The following POLK variants were observed in gnomAD, a reference collection of about 807,000 sequenced individuals.
POLK encodes the protein polymerase (DNA directed) kappa.
POLK carries 76 observed loss-of-function variants against 94.0 expected under a neutral mutation model. That is an observed-to-expected ratio of 0.81 (90% confidence interval 0.67 to 0.98). POLK has a LOEUF of 0.98. POLK is among the 50% of genes least tolerant of loss of function. The pLI is 0.00. For missense variants in POLK, 954 were observed against 1,010.1 expected, an observed-to-expected ratio of 0.94 and a Z score of 0.75; for synonymous variants, 349 against 325.4, an observed-to-expected ratio of 1.07 and a Z score of -0.78.
At chr5:75,528,285 A>G (rs1222455916) in intron 1 of POLK, among the ~76,000 whole-genome samples, 1 of 152,206 alleles carries the variant, frequency 6.6e-6, no homozygotes, top group East Asian at 1.9e-4. Flanking sequence ...AGGGGAAGAA[A>G]AGGTTACAAA....
chr5:75,540,541 C>T (rs1769683363), intron 1 of POLK, among the ~76,000 whole-genome samples: 1 of 152,110 alleles, frequency 6.6e-6, no homozygotes, highest in South Asian at 2.1e-4. Context: ...TGAAATGATC[C>T]TTCCATCTTG....
intron 1 of POLK, among the ~76,000 whole-genome samples, chr5:75,519,869 T>C (rs1462245438): frequency 6.6e-6 from 1 of 152,210 alleles, no homozygotes; most frequent in Non-Finnish European, 1.5e-5. Context: ...TGAGTTCATT[T>C]ACATTCAGTG....
At position 75,600,657 on chromosome 5, in the gene POLK, A is replaced by C. The variant is rs180798032; in HGVS notation, c.*2639A>C. 1.5e-3 allele frequency: 236 copies of C among 152,354 alleles called. 2 individuals are homozygous for C. The highest frequency in any genetic ancestry group is 5.3e-3 in the African/African-American group (219 of 41,584). 9.4% of individuals were successfully genotyped at this position (152,354 alleles called of 1,614,324 possible). On this transcript the variant is annotated 3_prime_UTR_variant, in exon 15 of 15. Coordinates refer to ENST00000241436, the Ensembl canonical transcript of POLK. Reference sequence around the variant, plus strand: ...GTTAGAAATGAACCAAATATTCAGCAATGGTAGAATGGTTAAATTGTACCA... The same window carrying C: ...GTTAGAAATGAACCAAATATTCAGCCATGGTAGAATGGTTAAATTGTACCA...
At chr5:75,561,372 AT>A (rs1770965058) in intron 3 of POLK, among the ~76,000 whole-genome samples, 1 of 151,848 alleles carries the variant, frequency 6.6e-6, no homozygotes, top group South Asian at 2.1e-4. Context: ...TTTCTTGTAG[AT>A]TTGTGTAAGT....
chr5:75,562,675 A>T (rs1010178728), intron 3 of POLK, among the ~76,000 whole-genome samples: 1 of 152,114 alleles, frequency 6.6e-6, no homozygotes, highest in East Asian at 1.9e-4. Context: ...TTATTTTGAG[A>T]TACGTTCCAT....
At chr5:75,608,948 G>C in the POLK span, 1 of 152,148 alleles carries the variant, frequency 6.6e-6, no homozygotes, top group Admixed American at 6.6e-5. Context: ...ATTTGAAACA[G>C]AGTGAAAAAG....
chr5:75,595,743 G>T (rs182089487), intron 12 of POLK, among the ~76,000 whole-genome samples: 1 of 152,266 alleles, frequency 6.6e-6, no homozygotes, highest in East Asian at 1.9e-4. Context: ...TGTTGTGGCA[G>T]TGTAGGTTTA....
exon 7 of POLK, chr5:75,581,246 T>C (rs1269865865): frequency 4.4e-6 from 7 of 1,607,498 alleles, no homozygotes; most frequent in Admixed American, 1.7e-5. Context: ...TGAGTGAGCA[T>C]GAACGATCCA....
At chr5:75,548,772 T>C (rs181117496) in intron 2 of POLK, among the ~76,000 whole-genome samples, 2 of 152,104 alleles carry the variant, frequency 1.3e-5, no homozygotes, top group Admixed American at 1.3e-4. Context: ...CCAACATATA[T>C]ACATAGAAGT....
downstream of POLK, among the ~76,000 whole-genome samples, chr5:75,603,245 C>T (rs1002965734): frequency 2.0e-5 from 3 of 152,156 alleles, no homozygotes; most frequent in Non-Finnish European, 4.4e-5. Context: ...ATTCTGTCTA[C>T]TCTTGTAGGG....
intron 6 of POLK, among the ~76,000 whole-genome samples, chr5:75,577,624 GA>G (rs1376392163): frequency 1.3e-5 from 2 of 152,170 alleles, no homozygotes; most frequent in Non-Finnish European, 2.9e-5. Context: ...AAGTGACACA[GA>G]AGGGTTTGCT....
At chr5:75,583,060 A>G (rs1269333317) in intron 7 of POLK, 2 of 323,106 alleles carry the variant, frequency 6.2e-6, no homozygotes. Flanking sequence ...TGTCATGGAG[A>G]ATTAAATATT....
intron 6 of POLK, among the ~76,000 whole-genome samples, chr5:75,579,937 A>G (rs1581070510): frequency 6.7e-6 from 1 of 149,598 alleles, no homozygotes; most frequent in Admixed American, 6.7e-5. Context: ...AGTCCTAGCT[A>G]TACTCCAGCC....
upstream of POLK, chr5:75,511,287 G>T: frequency 1.3e-6 from 2 of 1,574,570 alleles, no homozygotes; most frequent in East Asian, 2.3e-5. Flanking sequence ...TCGGGGTGAA[G>T]GGTCGGGGGA....
intron 3 of POLK, among the ~76,000 whole-genome samples, chr5:75,562,494 C>T (rs184925552): frequency 1.3e-5 from 2 of 152,118 alleles, no homozygotes; most frequent in Non-Finnish European, 2.9e-5. Flanking sequence ...AATTGAATAC[C>T]CTTTATTTCT....
chr5:75,549,805 T>C (rs1770245052), intron 2 of POLK, among the ~76,000 whole-genome samples: 1 of 152,106 alleles, frequency 6.6e-6, no homozygotes, highest in Non-Finnish European at 1.5e-5. Context: ...ATTACCAACA[T>C]TTTTGCAAAT....
At chr5:75,585,019 T>C in intron 9 of POLK, 93 bp downstream of exon 9, 1 of 788,612 alleles carries the variant, frequency 1.3e-6, no homozygotes, top group Non-Finnish European at 2.1e-6. Context: ...ATAACATGTT[T>C]TAAAATTCTT....
chr5:75,559,505 GTTTTTTTGTTTTGTTTTGTTTTTTTTTT>G (rs1421296348), intron 3 of POLK, among the ~76,000 whole-genome samples: 3 of 70,080 alleles, frequency 4.3e-5, no homozygotes, highest in Non-Finnish European at 9.9e-5. Context: ...TTTGGGGTTT[GTTTTTTTGTTTTGTTTTGTTTTTTTTTT>G]TTTTTTTTTT....
chr5:75,608,194 TTAA>T, the POLK span, among the ~76,000 whole-genome samples: 1 of 151,634 alleles, frequency 6.6e-6, no homozygotes, highest in East Asian at 1.9e-4. Flanking sequence ...AGAAACTTAA[TTAA>T]TTTTTTTTTT....
Sources: gnomAD v4.1 joint callset for allele counts (sites outside exome capture counted in the v4.1 genomes callset) on GRCh38, gnomAD v4.1.1 for gene constraint, MANE v1.5 for transcripts, NCBI Gene and HGNC (gene_info 2026-07-23, HGNC 2026-07-21) for gene names.